MARK2: variants seen among roughly 807,000 people sequenced by gnomAD.
The protein encoded by MARK2 is serine/threonine-protein kinase MARK2.
In MARK2, 16 loss-of-function variants were observed where a neutral mutation model predicts 89.8. That is an observed-to-expected ratio of 0.18 (90% CI 0.12 to 0.27). The LOEUF (loss-of-function observed/expected upper bound fraction) is 0.27. MARK2 is among the 10% of genes least tolerant of loss of function. MARK2 has a pLI of 1.00. For synonymous variants in MARK2, 382 were observed against 399.5 expected (o/e 0.96, Z 0.52); for missense variants, 621 against 1,049.9 (o/e 0.59, Z 5.65).
Position 63,900,521 on chromosome 11 carries a change from G to C in MARK2, c.769-38G>C. On this transcript the variant is annotated intron_variant, in intron 8 of 18. Transcript: ENST00000402010. The surrounding 1 kb of genome is among the most constrained non-coding windows in gnomAD (Gnocchi z 4.7). ...TATTAGGTTTCTTCCTTTGGCCTTG[G>C]GGTGATTTCAATTTTCTAACCCTGG... 6.2e-7 allele frequency: 1 copy of C among 1,609,464 alleles called. No individual in the cohort carries two copies. Among genetic ancestry groups the C allele is most frequent in the Non-Finnish European group, 8.5e-7 (1 of 1,177,488 alleles).
rs958807521 is a variant in MARK2, at chr11:63,877,877, A to T, written c.55-17282A>T. 2.0e-5 allele frequency among the ~76,000 whole-genome samples: 3 copies of T among 152,208 alleles called. No individual in the cohort carries two copies. The East Asian group carries it at 5.8e-4, about 29-fold the overall frequency. ...GGGGCACCTTCAGCCTAAAGCCATAAGCTGACATATACTCAGTCTCACTGA... is the reference window on the plus strand; with the variant it reads ...GGGGCACCTTCAGCCTAAAGCCATATGCTGACATATACTCAGTCTCACTGA... On this transcript the variant is annotated intron_variant, in intron 1 of 18. Transcript: ENST00000402010.
Position 63,908,958 on chromosome 11 carries a change from G to A in MARK2, c.2088G>A (p.Thr696=), listed in dbSNP as rs555740859. 5 of 1,544,016 alleles carry A rather than the reference G, an allele frequency of 3.2e-6. No homozygotes were observed. Among genetic ancestry groups the A allele is most frequent in the South Asian group, 2.4e-5 (2 of 82,864 alleles). ...CCAAGCCCCGCTCCCTCCGCTTCACGTGGAGTATGAAGACCACGAGCTCCA... is the reference window on the plus strand; with the variant it reads ...CCAAGCCCCGCTCCCTCCGCTTCACATGGAGTATGAAGACCACGAGCTCCA... ...REAKPRSLRF[T]WSMKTTSSME... The change falls in exon 19 of 19, where the codon ACG becomes ACA. Residue 696 remains threonine (T), a synonymous_variant. Coordinates refer to ENST00000402010, the MANE Select transcript of MARK2 (RefSeq NM_001039469.3).
rs60754473 is a variant in MARK2 at position 63,863,468 on chromosome 11, C to A, written c.54+23908C>A. On this transcript the variant is annotated intron_variant, in intron 1 of 18. Transcript: ENST00000402010. ...TCCCCCACCCCCCCACCCCCCACCC[C>A]CCCACTTTTTTTTTGAGACAGGGTT... Among the ~76,000 whole-genome samples the A allele has an allele frequency of 3.0e-3, 386 of 128,132 alleles. 2 individuals carry two copies. The highest frequency in any genetic ancestry group is 0.011 in the African/African-American group (372 of 34,992). The allele number at this position is 128,132 out of a possible 152,430, so 84.1% of individuals were successfully genotyped here. A position where few individuals can be genotyped will look rare whatever the true frequency, so the allele number is the denominator to read the frequency against.
chr11:63,888,032 A>G (rs181278178), intron 1 of MARK2, among the ~76,000 whole-genome samples: 6 of 152,344 alleles, frequency 3.9e-5, no homozygotes, highest in East Asian at 1.9e-4. Flanking sequence ...AGAATGCTCT[A>G]TCAGTGATAA....
intron 1 of MARK2, among the ~76,000 whole-genome samples, chr11:63,856,321 G>GTTTTTTTTTTTTTTT (rs1358748879): frequency 1.9e-5 from 1 of 52,666 alleles, no homozygotes. Flanking sequence ...TTTTTTTTTT[G>GTTTTTTTTTTTTTTT]TTTTTTTTTT....
Position 63,909,241 on chromosome 11 carries a change from G to A in MARK2, c.*4G>A. ...AGCCAACGAGCTGAAGCTTTAACAG[G>A]CTGCCAGGAGCGGGGGCGGCGGGGG... On this transcript the variant is annotated 3_prime_UTR_variant, in exon 19 of 19. Transcript: ENST00000402010. 1 of 1,579,604 alleles carries A rather than the reference G, an allele frequency of 6.3e-7. No homozygotes were observed. Among genetic ancestry groups the A allele is most frequent in the Non-Finnish European group, 8.7e-7 (1 of 1,154,254 alleles).
chr11:63,904,988 C>A lies in MARK2; in HGVS notation c.1879C>A (p.Arg627=), dbSNP rs185974234. 14 of 1,613,986 alleles carry A rather than the reference C, an allele frequency of 8.7e-6. No homozygotes were observed. The African/African-American group carries it at 1.2e-4, about 14-fold the overall frequency. Residue 627 remains arginine, a synonymous_variant, in exon 16 of 19, where the codon CGG becomes AGG. Transcript: ENST00000402010. This position sits in a 1 kb window ranked among gnomAD's most constrained non-coding sequence, Gnocchi z 6.3. The stretch of plus-strand genomic sequence containing the variant: ...CTCTCCCTCTGGCCACAGCCAGGGC[C>A]GGCGGGGGGCCTCTGGGAGCATCTT... ...PASPSGHSQG[R]RGASGSIFSK... is the part of the protein sequence containing the mutation.
At chr11:63,846,419 G>A (rs1341072500) in intron 1 of MARK2, among the ~76,000 whole-genome samples, 2 of 151,680 alleles carry the variant, frequency 1.3e-5, no homozygotes, top group East Asian at 1.9e-4. Flanking sequence ...GCAGTGGTGC[G>A]ATCTCAGCTC....
intron 1 of MARK2, among the ~76,000 whole-genome samples, chr11:63,892,670 A>G (rs891820491): frequency 1.0e-4 from 15 of 149,070 alleles, no homozygotes; most frequent in African/African-American, 3.7e-4. Flanking sequence ...ATCGCTCCAG[A>G]TGTTCTTTGT....
chr11:63,892,698 G>A (rs1342671621), intron 1 of MARK2, among the ~76,000 whole-genome samples: 1 of 148,724 alleles, frequency 6.7e-6, no homozygotes, highest in Non-Finnish European at 1.5e-5. Context: ...AAACCAGGGC[G>A]CTAATCAGGA....
intron 1 of MARK2, chr11:63,868,796 C>T (rs755156712): frequency 3.9e-5 from 18 of 455,852 alleles, no homozygotes; most frequent in South Asian, 2.3e-4. Context: ...TATTGTCCAG[C>T]GTTGGAGAGA....
intron 1 of MARK2, among the ~76,000 whole-genome samples, chr11:63,859,571 G>A (rs747125821): frequency 4.6e-5 from 7 of 151,606 alleles, no homozygotes; most frequent in Non-Finnish European, 8.8e-5. Flanking sequence ...CACCCACCTT[G>A]GCCTCCCAAA....
chr11:63,895,875 A>T (rs780077757), intron 3 of MARK2, among the ~76,000 whole-genome samples: 102 of 151,732 alleles, frequency 6.7e-4, no homozygotes, highest in Non-Finnish European at 7.2e-4. Context: ...TCACCATGGT[A>T]GCCAGGCTGG....
At chr11:63,860,887 C>G (rs189780047) in intron 1 of MARK2, among the ~76,000 whole-genome samples, 218 of 151,866 alleles carry the variant, frequency 1.4e-3, no homozygotes, top group African/African-American at 5.0e-3. Flanking sequence ...AACAAAAACT[C>G]ATGTCATTTG....
chr11:63,852,055 C>T (rs1443355186), intron 1 of MARK2, among the ~76,000 whole-genome samples: 2 of 152,164 alleles, frequency 1.3e-5, no homozygotes, highest in Admixed American at 6.5e-5. Flanking sequence ...TTCATAGTAA[C>T]GTTAACACAG....
intron 1 of MARK2, among the ~76,000 whole-genome samples, chr11:63,851,154 A>G (rs2016555592): frequency 6.6e-6 from 1 of 152,112 alleles, no homozygotes; most frequent in Admixed American, 6.5e-5. Context: ...GAATTTGCGG[A>G]CTTTGAATCT....
At chr11:63,849,627 C>T (rs557605238) in intron 1 of MARK2, among the ~76,000 whole-genome samples, 1 of 152,250 alleles carries the variant, frequency 6.6e-6, no homozygotes, top group East Asian at 1.9e-4. Flanking sequence ...GTGTTGTACA[C>T]CTATAGTCCC....
At chr11:63,899,606 C>T (rs1370156671) in intron 7 of MARK2, among the ~76,000 whole-genome samples, 4 of 152,214 alleles carry the variant, frequency 2.6e-5, no homozygotes, top group African/African-American at 7.2e-5. Context: ...TAACCTGGGC[C>T]TGATGCTGAA....
intron 1 of MARK2, among the ~76,000 whole-genome samples, chr11:63,848,651 C>T (rs371153357): frequency 6.6e-6 from 1 of 151,508 alleles, no homozygotes; most frequent in East Asian, 1.9e-4. Flanking sequence ...CCCGGGTTCA[C>T]ACCATTCTCC....
Sources: gnomAD v4.1 joint callset for allele counts (sites outside exome capture counted in the v4.1 genomes callset) on GRCh38, gnomAD v4.1.1 for gene constraint, Gnocchi (gnomAD v3.1) non-coding constraint, MANE v1.5 for transcripts, NCBI Gene and HGNC (gene_info 2026-07-23, HGNC 2026-07-21) for gene names.